XKR9: variants seen among roughly 807,000 people sequenced by gnomAD.
XKR9 encodes XK-related protein 9.
In XKR9, 32 loss-of-function variants were observed where a neutral mutation model predicts 32.0. The ratio of observed to expected loss-of-function variants is 1.00; its 90% CI spans 0.76 to 1.34. XKR9 has a LOEUF of 1.34. Among genes scored for constraint, XKR9 ranks in the 40% most tolerant of loss-of-function variants. The pLI, the probability that XKR9 is intolerant of heterozygous loss-of-function variation, is 0.00. For synonymous variants in XKR9, 168 were observed against 143.4 expected (o/e 1.17, Z -1.22); for missense variants, 546 against 429.7 (o/e 1.27, Z -2.39).
chr8:70,951,197 C>T, the XKR9 span, among the ~76,000 whole-genome samples: 1 of 152,242 alleles, frequency 6.6e-6, no homozygotes, highest in Non-Finnish European at 1.5e-5. Flanking sequence ...TAGAAGAGGT[C>T]TTTCTGACCC....
At chr8:70,963,939 C>T in the XKR9 span, among the ~76,000 whole-genome samples, 4 of 152,094 alleles carry the variant, frequency 2.6e-5, no homozygotes, top group African/African-American at 9.7e-5. Flanking sequence ...ATGATAGTTT[C>T]TTTTGGTGTG....
At chr8:71,010,636 A>G in the XKR9 span, among the ~76,000 whole-genome samples, 2 of 152,172 alleles carry the variant, frequency 1.3e-5, no homozygotes, top group African/African-American at 2.4e-5. Flanking sequence ...GTATCATTAC[A>G]TGGACCCCGA....
the XKR9 span, among the ~76,000 whole-genome samples, chr8:71,019,061 T>C: frequency 6.6e-6 from 1 of 152,232 alleles, no homozygotes; most frequent in African/African-American, 2.4e-5. Context: ...GCTTTTCCTG[T>C]GCATCCACTT....
the XKR9 span, among the ~76,000 whole-genome samples, chr8:70,844,497 C>G: frequency 6.6e-6 from 1 of 152,220 alleles, no homozygotes; most frequent in Non-Finnish European, 1.5e-5. Flanking sequence ...GCTCCCCCAG[C>G]CTATTGTTGC....
the XKR9 span, among the ~76,000 whole-genome samples, chr8:70,927,708 C>T: frequency 1.3e-5 from 2 of 152,114 alleles, no homozygotes; most frequent in African/African-American, 4.8e-5. Context: ...AAAGGACCTG[C>T]CTGTTGATAC....
intron 4 of XKR9, among the ~76,000 whole-genome samples, chr8:70,730,192 A>G (rs1001305771): frequency 4.6e-5 from 7 of 152,176 alleles, no homozygotes; most frequent in Non-Finnish European, 8.8e-5. Context: ...AAGGGGCAAA[A>G]AAACCCCTTT....
At chr8:70,876,046 A>C in the XKR9 span, among the ~76,000 whole-genome samples, 1 of 152,144 alleles carries the variant, frequency 6.6e-6, no homozygotes, top group Non-Finnish European at 1.5e-5. Flanking sequence ...CTTTATGTTT[A>C]AAACATTGGA....
the XKR9 span, among the ~76,000 whole-genome samples, chr8:70,879,402 G>A: frequency 2.0e-5 from 3 of 152,008 alleles, no homozygotes; most frequent in African/African-American, 4.8e-5. Flanking sequence ...AAAATTGATA[G>A]ACCACTAGTA....
At chr8:70,964,659 G>C in the XKR9 span, among the ~76,000 whole-genome samples, 175 of 152,238 alleles carry the variant, frequency 1.1e-3, no homozygotes, top group Non-Finnish European at 2.2e-3. Context: ...TCCTTGAGGA[G>C]TTCCTTCACT....
chr8:70,809,855 G>A, the XKR9 span, among the ~76,000 whole-genome samples: 2 of 152,202 alleles, frequency 1.3e-5, no homozygotes, highest in African/African-American at 2.4e-5. Context: ...AACCAAGTTG[G>A]AAAACACTCT....
At chr8:70,677,984 G>T (rs1052107819) in intron 2 of XKR9, 5 of 152,150 alleles carry the variant, frequency 3.3e-5, no homozygotes, top group African/African-American at 1.2e-4. Context: ...GTAGAACCAT[G>T]CTAAGGAATT....
the XKR9 span, among the ~76,000 whole-genome samples, chr8:70,901,312 C>T: frequency 1.3e-5 from 2 of 152,204 alleles, no homozygotes; most frequent in Non-Finnish European, 2.9e-5. Flanking sequence ...ACATCCCCTC[C>T]AGCATCTGTT....
chr8:70,742,078 G>T (rs78192748), intron 2 of XKR9, among the ~76,000 whole-genome samples: 11,411 of 150,338 alleles, frequency 0.076, 584 homozygotes, highest in Non-Finnish European at 0.11. Flanking sequence ...CTTTTTATGT[G>T]CTTATTGGCC....
chr8:70,682,278 T>C (rs1266951984), intron 3 of XKR9, among the ~76,000 whole-genome samples: 1 of 152,164 alleles, frequency 6.6e-6, no homozygotes, highest in East Asian at 1.9e-4. Flanking sequence ...TAAGATTAAA[T>C]GAGTACTCTG....
chr8:70,878,404 G>T, the XKR9 span, among the ~76,000 whole-genome samples: 1 of 152,032 alleles, frequency 6.6e-6, no homozygotes, highest in Admixed American at 6.6e-5. Context: ...CTATATTCAG[G>T]AGACCCACCT....
the XKR9 span, among the ~76,000 whole-genome samples, chr8:71,013,413 C>T: frequency 6.6e-6 from 1 of 152,106 alleles, no homozygotes; most frequent in East Asian, 1.9e-4. Flanking sequence ...TTGGAAAAGG[C>T]TGGGTATTGA....
chr8:70,899,992 T>C, the XKR9 span, among the ~76,000 whole-genome samples: 2 of 152,204 alleles, frequency 1.3e-5, no homozygotes, highest in Non-Finnish European at 2.9e-5. Context: ...TCTAAAAATG[T>C]ACACTTCTAT....
chr8:70,763,624 C>A (rs567155518), intron 2 of XKR9, among the ~76,000 whole-genome samples: 124 of 152,198 alleles, frequency 8.1e-4, no homozygotes, highest in African/African-American at 3.0e-3. Context: ...AAGGAAATTT[C>A]AAATTAAAAA....
the XKR9 span, among the ~76,000 whole-genome samples, chr8:70,937,227 A>G: frequency 6.6e-6 from 1 of 152,064 alleles, no homozygotes; most frequent in African/African-American, 2.4e-5. Context: ...AGCACCATAC[A>G]TCATTATTAA....
Sources: gnomAD v4.1 joint callset for allele counts (sites outside exome capture counted in the v4.1 genomes callset) on GRCh38, gnomAD v4.1.1 for gene constraint, MANE v1.5 for transcripts, NCBI Gene and HGNC (gene_info 2026-07-23, HGNC 2026-07-21) for gene names.